Variants in SLC14A2 observed in about 807,000 individuals in gnomAD.
SLC14A2 encodes urea transporter 2.
Under a neutral mutation model 104.6 loss-of-function variants are expected in SLC14A2, and 91 were observed. That is an observed-to-expected ratio of 0.87 (90% CI 0.73 to 1.04). SLC14A2 has a LOEUF of 1.04. Ranked by LOEUF, SLC14A2 falls within the 50% of genes least tolerant of loss-of-function variation. SLC14A2 has a pLI of 0.00. For missense variants in SLC14A2, 1,189 were observed against 1,156.0 expected (o/e 1.03, Z -0.41); for synonymous variants, 476 against 466.4 (o/e 1.02, Z -0.27).
At chr18:45,553,241 A>G (rs992431397) in intron 2 of SLC14A2, among the ~76,000 whole-genome samples, 1 of 152,338 alleles carries the variant, frequency 6.6e-6, no homozygotes, top group South Asian at 2.1e-4. Context: ...TCATAGCCCA[A>G]CAGGGCTTCC....
chr18:45,517,173 G>A (rs1317200853), intron 2 of SLC14A2, among the ~76,000 whole-genome samples: 3 of 152,212 alleles, frequency 2.0e-5, no homozygotes, highest in African/African-American at 7.2e-5. Flanking sequence ...GCTTCATGAT[G>A]AAGACAGAGC....
chr18:45,556,573 C>T (rs1472090727), intron 2 of SLC14A2, among the ~76,000 whole-genome samples: 13 of 152,318 alleles, frequency 8.5e-5, no homozygotes, highest in Non-Finnish European at 1.5e-5. Context: ...TATTTAATCT[C>T]TCTATGTCTT....
intron 1 of SLC14A2, among the ~76,000 whole-genome samples, chr18:45,225,296 G>A (rs1239280848): frequency 1.3e-5 from 2 of 152,032 alleles, no homozygotes; most frequent in Non-Finnish European, 2.9e-5. Flanking sequence ...AAGATCAGAT[G>A]GTTGTAGATG....
intron 1 of SLC14A2, among the ~76,000 whole-genome samples, chr18:45,244,265 A>T (rs1290415139): frequency 6.6e-6 from 1 of 151,522 alleles, no homozygotes; most frequent in Non-Finnish European, 1.5e-5. Flanking sequence ...GCTGGTCACT[A>T]TTTTATTTGT....
chr18:45,569,969 C>CTCA (rs2044322682), intron 2 of SLC14A2, among the ~76,000 whole-genome samples: 1 of 152,318 alleles, frequency 6.6e-6, no homozygotes, highest in African/African-American at 2.4e-5. Flanking sequence ...TCCCTTGACT[C>CTCA]TCATCATTGT....
At chr18:45,628,442 CAAAAA>C (rs59400362) in intron 4 of SLC14A2, among the ~76,000 whole-genome samples, 6 of 124,352 alleles carry the variant, frequency 4.8e-5, no homozygotes, top group Non-Finnish European at 3.4e-5. Flanking sequence ...GACTCTGCCT[CAAAAA>C]AAAAAAAAAA....
intron 1 of SLC14A2, among the ~76,000 whole-genome samples, chr18:45,242,024 C>T (rs1568117622): frequency 6.6e-6 from 1 of 152,148 alleles, no homozygotes; most frequent in Non-Finnish European, 1.5e-5. Flanking sequence ...AAACTAAAAA[C>T]TTCTGCATTC....
chr18:45,378,763 C>CTGTTGTTGT (rs570730451), intron 1 of SLC14A2, among the ~76,000 whole-genome samples: 6 of 151,944 alleles, frequency 3.9e-5, no homozygotes, highest in African/African-American at 1.5e-4. Context: ...CTGATCATTG[C>CTGTTGTTGT]TGTTGTTGTT....
chr18:45,651,693 C>T (rs938871182), intron 10 of SLC14A2, among the ~76,000 whole-genome samples: 13 of 152,274 alleles, frequency 8.5e-5, no homozygotes, highest in African/African-American at 2.2e-4. Flanking sequence ...CAATTCCCAA[C>T]GTTCTGTGAT....
At chr18:45,538,766 A>G (rs2043837488) in intron 2 of SLC14A2, among the ~76,000 whole-genome samples, 1 of 150,804 alleles carries the variant, frequency 6.6e-6, no homozygotes, top group African/African-American at 2.4e-5. Context: ...GGGACCACTG[A>G]GGGCAATCTT....
chr18:45,494,955 A>G (rs1255191383), intron 2 of SLC14A2, among the ~76,000 whole-genome samples: 3 of 139,932 alleles, frequency 2.1e-5, no homozygotes, highest in African/African-American at 5.1e-5. Flanking sequence ...TTCTTAATGG[A>G]TCTCCATAAT....
At chr18:45,273,342 C>T (rs1192341491) in intron 1 of SLC14A2, among the ~76,000 whole-genome samples, 1 of 152,110 alleles carries the variant, frequency 6.6e-6, no homozygotes. Context: ...GGGTCACATT[C>T]TCATCCCTGA....
chr18:45,558,790 C>T (rs535119885), intron 2 of SLC14A2, among the ~76,000 whole-genome samples: 44 of 152,200 alleles, frequency 2.9e-4, no homozygotes, highest in Non-Finnish European at 4.7e-4. Flanking sequence ...AGATAGAATC[C>T]TTTGAGTTTC....
At chr18:45,408,632 G>A (rs1020497627) in intron 1 of SLC14A2, among the ~76,000 whole-genome samples, 3 of 152,098 alleles carry the variant, frequency 2.0e-5, no homozygotes, top group African/African-American at 7.2e-5. Context: ...GATTAATGAG[G>A]CCATTAATTA....
intron 1 of SLC14A2, among the ~76,000 whole-genome samples, chr18:45,220,347 A>G (rs2084049574): frequency 6.6e-6 from 1 of 152,182 alleles, no homozygotes; most frequent in Non-Finnish European, 1.5e-5. Flanking sequence ...TGGTTTTTGC[A>G]ATCAGTTATC....
At chr18:45,407,560 C>G (rs893208300) in intron 1 of SLC14A2, among the ~76,000 whole-genome samples, 6 of 152,236 alleles carry the variant, frequency 3.9e-5, no homozygotes, top group Non-Finnish European at 8.8e-5. Context: ...ACTTGGCTAA[C>G]TGGCTCAAGA....
In SLC14A2 at chr18:45,605,168, C is replaced by G. The variant is rs756338881; in HGVS notation, c.-34-19463C>G. ...ACTTTGCAATGCTGATCTTCACGCA[C>G]GGTAGACAAGGACCACATGTGACAG... On this transcript the variant is annotated intron_variant, in intron 2 of 20. Transcript: ENST00000586448. 2.6e-5 allele frequency among the ~76,000 whole-genome samples: 4 copies of G among 152,170 alleles called. 1 individual carries two copies. Among genetic ancestry groups the G allele is most frequent in the Admixed American group, 2.6e-4 (4 of 15,274 alleles).
At chr18:45,606,662 C>G (rs1332687202) in intron 2 of SLC14A2, among the ~76,000 whole-genome samples, 2 of 147,324 alleles carry the variant, frequency 1.4e-5, no homozygotes, top group Non-Finnish European at 3.0e-5. Context: ...CCAAAAAGAG[C>G]AGGAAAAAAT....
chr18:45,172,698 G>A, the SLC14A2 span, among the ~76,000 whole-genome samples: 1 of 152,112 alleles, frequency 6.6e-6, no homozygotes, highest in Non-Finnish European at 1.5e-5. Flanking sequence ...ATTTTCTGAA[G>A]TCATGTCTGA....
Sources: allele counts gnomAD v4.1 joint callset (sites outside exome capture counted in the v4.1 genomes callset), GRCh38; gene constraint gnomAD v4.1.1; transcripts MANE v1.5; gene names NCBI Gene and HGNC (gene_info 2026-07-23, HGNC 2026-07-21).